Variants in PCDH18 observed in about 807,000 individuals in gnomAD.
PCDH18 encodes protocadherin-18.
PCDH18 carries 38 observed loss-of-function variants against 71.5 expected under a neutral mutation model. The observed-to-expected ratio is 0.53, with a 90% CI of 0.41 to 0.70. PCDH18 has a LOEUF of 0.70. Ranked by LOEUF, PCDH18 falls within the 30% of genes least tolerant of loss-of-function variation. The probability of loss-of-function intolerance (pLI) is 0.00; values close to 1 mark genes in which losing one functional copy is unlikely to be tolerated. For missense variants in PCDH18, 1,334 were observed against 1,384.6 expected (o/e 0.96, Z 0.58); for synonymous variants, 565 against 505.4 (o/e 1.12, Z -1.58).
chr4:137,528,356 T>A (rs58884168), intron 3 of PCDH18, 122 bp downstream of exon 3: 161,340 of 742,404 alleles, frequency 0.22, 19,084 homozygotes, highest in East Asian at 0.32. Flanking sequence ...CTATAAAACA[T>A]ATTATAAATA....
chr4:137,525,255 A>G (rs1249928232), intron 3 of PCDH18, among the ~76,000 whole-genome samples: 1 of 152,176 alleles, frequency 6.6e-6, no homozygotes, highest in Non-Finnish European at 1.5e-5. Context: ...AAAATGCAGG[A>G]TATTTGTGTG....
Position 137,528,654 on chromosome 4 carries a change from A to C in PCDH18, c.2577-13T>G. 6.2e-7 allele frequency: 1 copy of C among 1,613,230 alleles called. No homozygotes were observed. The highest frequency in any genetic ancestry group is 1.1e-5 in the South Asian group (1 of 91,044). On this transcript the variant is annotated splice_polypyrimidine_tract_variant and intron_variant, in intron 2 of 3. Transcript: ENST00000344876. Reference sequence around the variant, plus strand: ...TTGAAGGGCATATCTGGAAAGATAAATCACAAAAAAAAATTACAGTTTTTA... The same window carrying C: ...TTGAAGGGCATATCTGGAAAGATAACTCACAAAAAAAAATTACAGTTTTTA...
Position 137,528,921 on chromosome 4 carries a change from T to C in PCDH18, c.2488-101A>G, listed in dbSNP as rs1390058500. The stretch of plus-strand genomic sequence containing the variant: ...GTTGCTTGCTATTTCAACTAAGTAA[T>C]TGAATATATTCTCTCTATTTAAAAG... On this transcript the variant is annotated intron_variant, in intron 1 of 3. Coordinates refer to ENST00000344876, the MANE Select transcript of PCDH18 (RefSeq NM_019035.5). 5 of 838,382 alleles carry C rather than the reference T, an allele frequency of 6.0e-6. No homozygotes were observed. The African/African-American group carries it at 8.5e-5, about 14-fold the overall frequency. 51.9% of individuals were successfully genotyped at this position (838,382 alleles called of 1,614,324 possible).
Position 137,530,039 on chromosome 4 carries a change from T to C in PCDH18, c.2050A>G (p.Thr684Ala). ...CTTACTGAAGTCATTGCTGTACTTG[T>C]CACCGACTCTGCATATTCAAAGATC... ...CMIFEYAESV[T>A]STAMTSVSQA... Residue 684 changes from threonine (T) to alanine (A), a missense_variant, in exon 1 of 4, where the codon ACA becomes GCA. Physicochemically the swap from Thr to Ala is moderately conservative, Grantham distance 58. This residue lies in a region of PCDH18 where 1,011 missense variants were observed against 1,048.0 expected (regional missense o/e 0.96). Coordinates refer to ENST00000344876, the MANE Select transcript of PCDH18 (RefSeq NM_019035.5). 1 of 1,614,130 alleles carries C rather than the reference T, an allele frequency of 6.2e-7. No individual in the cohort carries two copies. The highest frequency in any genetic ancestry group is 8.5e-7 in the Non-Finnish European group (1 of 1,179,962).
At chr4:137,528,213 T>G (rs1731535192) in intron 3 of PCDH18, among the ~76,000 whole-genome samples, 1 of 152,162 alleles carries the variant, frequency 6.6e-6, no homozygotes, top group Non-Finnish European at 1.5e-5. Flanking sequence ...TTTTTTGATT[T>G]TTCCCCACCC....
rs768117641 is a variant in PCDH18 at position 137,521,257 on chromosome 4, C to T, written c.3180G>A (p.Thr1060=). ...PQGVAAWAAS[T]HFQNPTTNCG... ...AGTTGGTGGTGGGATTTTGAAAATG[C>T]GTACTGGCTGCCCATGCCGCTACCC... Residue 1060 remains threonine, a synonymous_variant, in exon 4 of 4, where the codon ACG becomes ACA. Transcript: ENST00000344876. The T allele has an allele frequency of 2.5e-6, 4 of 1,613,962 alleles. No homozygotes were observed. Among genetic ancestry groups the T allele is most frequent in the South Asian group, 2.2e-5 (2 of 91,080 alleles).
At chr4:137,523,797 G>A (rs967608199) in intron 3 of PCDH18, among the ~76,000 whole-genome samples, 2 of 152,070 alleles carry the variant, frequency 1.3e-5, no homozygotes, top group African/African-American at 4.8e-5. Flanking sequence ...AATAAGTTTG[G>A]TCATAGAAAT....
rs1044567190 is a variant in PCDH18, at chr4:137,519,376, A to G, written c.*1653T>C. The G allele has an allele frequency of 1.2e-4, 19 of 152,226 alleles. No homozygotes were observed. Among genetic ancestry groups the G allele is most frequent in the Admixed American group, 1.0e-3 (16 of 15,270 alleles). 9.4% of individuals were successfully genotyped at this position (152,226 alleles called of 1,614,324 possible). ...ATACCTTTTTATCCTGCACAATTTAATACAAAATGTCCTAAGAAAGTATTT... is the reference window on the plus strand; with the variant it reads ...ATACCTTTTTATCCTGCACAATTTAGTACAAAATGTCCTAAGAAAGTATTT... On this transcript the variant is annotated 3_prime_UTR_variant, in exon 4 of 4. Transcript: ENST00000344876.
intron 3 of PCDH18, among the ~76,000 whole-genome samples, chr4:137,527,508 C>A (rs1731506851): frequency 6.6e-6 from 1 of 152,036 alleles, no homozygotes; most frequent in South Asian, 2.1e-4. Context: ...TATTGATTTT[C>A]TTGAATTCCT....
rs1292839295 is a variant in PCDH18 at position 137,521,454 on chromosome 4, C to T, written c.2983G>A (p.Asp995Asn). 2.4e-5 allele frequency: 38 copies of T among 1,614,042 alleles called. No individual in the cohort carries two copies. The highest frequency in any genetic ancestry group is 3.0e-5 in the Non-Finnish European group (35 of 1,180,032). ...GATGATGTGCTGGTATCCCCAGTGT[C>T]CTCATCGTTTGGGGAGTCCTTTCCA... Reference protein sequence around the residue: ...TFGKDSPNDEDTGDTSTSSLL... With the variant: ...TFGKDSPNDENTGDTSTSSLL... The change falls in exon 4 of 4, where the codon GAC (aspartate) becomes AAC (asparagine). Residue 995 changes from aspartate to asparagine, a missense_variant. Asp to Asn is a conservative substitution (Grantham distance 23, BLOSUM62 1). This residue lies in a region of PCDH18 where 319 missense variants were observed against 316.3 expected (regional missense o/e 1.01). Coordinates refer to ENST00000344876, the MANE Select transcript of PCDH18 (RefSeq NM_019035.5).
chr4:137,529,912 C>A lies in PCDH18; in HGVS notation c.2177G>T (p.Arg726Leu). ...ATAGGATCTAGTGTCTTTCTTCTCG[C>A]GGTTACACCTAGTTGCAAATAGCAC... The part of the protein sequence containing the change: ...IMVLFATRCN[R>L]EKKDTRSYNC... The change falls in exon 1 of 4, where the codon CGC becomes CTC. Residue 726 changes from arginine to leucine, a missense_variant. By Grantham distance (102) the Arg-to-Leu change is moderately radical. Around this residue, in one of 3 missense-constraint regions of PCDH18, gnomAD observed 1,011 missense variants for 1,048.0 expected, o/e 0.96. Coordinates refer to ENST00000344876, the MANE Select transcript of PCDH18 (RefSeq NM_019035.5). The A allele has an allele frequency of 6.2e-7, 1 of 1,613,950 alleles. No homozygotes were observed. Among genetic ancestry groups the A allele is most frequent in the Non-Finnish European group, 8.5e-7 (1 of 1,179,960 alleles).
chr4:137,521,740 A>G lies in PCDH18; in HGVS notation c.2741-44T>C, dbSNP rs377388317. 2.8e-6 allele frequency: 4 copies of G among 1,436,524 alleles called. No homozygotes were observed. The African/African-American group carries it at 5.7e-5, about 20-fold the overall frequency. 89.0% of individuals were successfully genotyped at this position (1,436,524 alleles called of 1,614,324 possible). Reference sequence around the variant, plus strand: ...GTGGGGATTCATTATTATACTTAGCACGATTCAAAATGATGCAAAAATGCA... The same window carrying G: ...GTGGGGATTCATTATTATACTTAGCGCGATTCAAAATGATGCAAAAATGCA... On this transcript the variant is annotated intron_variant, in intron 3 of 3. Coordinates refer to ENST00000344876, the MANE Select transcript of PCDH18 (RefSeq NM_019035.5).
At position 137,519,590 on chromosome 4, in the gene PCDH18, T is replaced by C. The variant is rs1731232142; in HGVS notation, c.*1439A>G. The C allele has an allele frequency of 6.6e-6, 1 of 152,192 alleles. No homozygotes were observed. Among genetic ancestry groups the C allele is most frequent in the Non-Finnish European group, 1.5e-5 (1 of 68,034 alleles). The allele number at this position is 152,192 out of a possible 1,614,324, so 9.4% of individuals were successfully genotyped here. A position where few individuals can be genotyped will look rare whatever the true frequency, so the allele number is the denominator to read the frequency against. ...CGCCCAGCCAACTGAATGCTGCCTGTTTATTATTTGAAACTCAACACTGAA... is the reference window on the plus strand; with the variant it reads ...CGCCCAGCCAACTGAATGCTGCCTGCTTATTATTTGAAACTCAACACTGAA... On this transcript the variant is annotated 3_prime_UTR_variant, in exon 4 of 4. Transcript: ENST00000344876.
In PCDH18 at chr4:137,529,842, C is replaced by T. The variant is rs1731602422; in HGVS notation, c.2247G>A (p.Arg749=). The change falls in exon 1 of 4, where the codon AGG becomes AGA. Residue 749 remains arginine, a synonymous_variant. Transcript: ENST00000344876. Reference sequence around the variant, plus strand: ...CCCCTTTGTGAATCTGCCGGGATGGCCTTTTTGGGTGGTGCTGGTAAGTTG... The same window carrying T: ...CCCCTTTGTGAATCTGCCGGGATGGTCTTTTTGGGTGGTGCTGGTAAGTTG... ...AESTYQHHPK[R]PSRQIHKGDI... is the part of the protein sequence containing the mutation. The T allele has an allele frequency of 1.2e-6, 2 of 1,611,568 alleles. No individual in the cohort carries two copies. Among genetic ancestry groups the T allele is most frequent in the Non-Finnish European group, 1.7e-6 (2 of 1,178,348 alleles).
In PCDH18 at chr4:137,521,587, TG is replaced by T; in HGVS notation, c.2849del (p.Pro950GlnfsTer59). ...GGGGTTGCGTTGGGAATTCTTCCCC[TG>T]GAATGAACATGTTACTCCTATAATC... ...SSDYRSNMFI[P>X]GEEFPTQPQQ... On this transcript the variant is annotated frameshift_variant, in exon 4 of 4. Transcript: ENST00000344876. LOFTEE classifies it high-confidence loss of function. The T allele has an allele frequency of 1.2e-6, 2 of 1,614,074 alleles. No individual in the cohort carries two copies. Among genetic ancestry groups the T allele is most frequent in the Non-Finnish European group, 1.7e-6 (2 of 1,180,026 alleles).
rs751750207 is a variant in PCDH18, at chr4:137,530,765, T to G, written c.1324A>C (p.Thr442Pro). The G allele has an allele frequency of 2.5e-6, 4 of 1,612,112 alleles. No individual in the cohort carries two copies. Among genetic ancestry groups the G allele is most frequent in the Middle Eastern group, 1.6e-4 (1 of 6,082 alleles). Reference protein sequence around the residue: ...SLTVIAEDRGTPSLSTVKHFT... With the variant: ...SLTVIAEDRGPPSLSTVKHFT... ...TGTTTCACTGTAGAGAGACTGGGTG[T>G]CCCCCTGTCCTCAGCGATTACAGTC... Residue 442 changes from threonine to proline, a missense_variant, in exon 1 of 4, where the codon ACA becomes CCA. Transcript: ENST00000344876.
At position 137,531,874 on chromosome 4, in the gene PCDH18, C is replaced by T. The variant is rs1731720644; in HGVS notation, c.215G>A (p.Gly72Glu). ...GTTTACTACAAGTAGAGGAGAATTT[C>T]CCCTCTGCATGGCTCGAAATCGAAC... is the stretch of plus-strand genomic sequence containing the variant. ...STVRFRAMQR[G>E]NSPLLVVNED... is the part of the protein sequence containing the mutation. Residue 72 changes from glycine (G) to glutamate (E), a missense_variant, in exon 1 of 4, where the codon GGA (glycine) becomes GAA (glutamate). By Grantham distance (98) the Gly-to-Glu change is moderately conservative. Transcript: ENST00000344876. 6 of 1,613,854 alleles carry T rather than the reference C, an allele frequency of 3.7e-6. No homozygotes were observed. Among genetic ancestry groups the T allele is most frequent in the Admixed American group, 1.7e-5 (1 of 59,998 alleles).
At chr4:137,529,371 TATTTTTC>T (rs1731576147) in intron 1 of PCDH18, 3 of 415,738 alleles carry the variant, frequency 7.2e-6, no homozygotes, top group Admixed American at 7.7e-5. Flanking sequence ...CCTTCACATT[TATTTTTC>T]AATATTACAC....
In PCDH18 at chr4:137,531,170, T is replaced by A; in HGVS notation, c.919A>T (p.Thr307Ser). 1 of 1,612,570 alleles carries A rather than the reference T, an allele frequency of 6.2e-7. No individual in the cohort carries two copies. ...TCATAATCCACTTGCTTGAAAAGAG[T>A]CAAATGTCCTCTTTCAGAATCAATT... ...FKIDSERGHLTLFKQVDYEIT... is the reference protein window; with the variant it reads ...FKIDSERGHLSLFKQVDYEIT... The change falls in exon 1 of 4, where the codon ACT becomes TCT. Residue 307 changes from threonine (T) to serine (S), a missense_variant. Transcript: ENST00000344876.
Sources: gnomAD v4.1 joint callset for allele counts (sites outside exome capture counted in the v4.1 genomes callset) on GRCh38, gnomAD v4.1.1 for gene constraint, gnomAD v4.1.1 regional missense constraint, MANE v1.5 for transcripts, NCBI Gene and HGNC (gene_info 2026-07-23, HGNC 2026-07-21) for gene names.